The following DCDC1 variants were observed in gnomAD, a reference collection of about 807,000 sequenced individuals.
The protein encoded by DCDC1 is doublecortin domain-containing protein 1.
In DCDC1, 200 loss-of-function variants were observed where a neutral mutation model predicts 178.3. That is an observed-to-expected ratio of 1.12 (90% CI 1.00 to 1.26). DCDC1 has a LOEUF of 1.26. DCDC1 is among the 50% of genes most tolerant of loss of function. The pLI is 0.00. For missense variants in DCDC1, 1,983 were observed against 1,749.2 expected (o/e 1.13, Z -2.38); for synonymous variants, 690 against 604.8 (o/e 1.14, Z -2.07).
intron 20 of DCDC1, among the ~76,000 whole-genome samples, chr11:31,028,294 CT>C (rs1953382630): frequency 6.6e-6 from 1 of 151,730 alleles, no homozygotes; most frequent in Admixed American, 6.6e-5. Flanking sequence ...TATCCAAATA[CT>C]TTTTTTAGTG....
At chr11:31,340,714 C>T (rs1191736782) in intron 1 of DCDC1, among the ~76,000 whole-genome samples, 1 of 152,120 alleles carries the variant, frequency 6.6e-6, no homozygotes, top group Non-Finnish European at 1.5e-5. Flanking sequence ...AGGAATTCTT[C>T]CAGCAGGTTG....
intron 14 of DCDC1, among the ~76,000 whole-genome samples, chr11:31,103,166 C>T (rs1229961637): frequency 6.6e-6 from 1 of 152,154 alleles, no homozygotes; most frequent in Admixed American, 6.5e-5. Context: ...TGGACAATCA[C>T]GAGCAGAGAC....
At chr11:30,933,651 T>C (rs1329611563) in intron 21 of DCDC1, among the ~76,000 whole-genome samples, 2 of 152,246 alleles carry the variant, frequency 1.3e-5, no homozygotes, top group Admixed American at 1.3e-4. Context: ...GGTATGAACC[T>C]TCTGCTAGCC....
intron 9 of DCDC1, among the ~76,000 whole-genome samples, chr11:31,205,332 C>A (rs2136468502): frequency 6.6e-6 from 1 of 152,196 alleles, no homozygotes; most frequent in South Asian, 2.1e-4. Context: ...ACTATCCAAG[C>A]CTTTCCAGAA....
chr11:30,917,164 A>C, intron 25 of DCDC1, 136 bp from the exon 26 acceptor site: 1 of 749,680 alleles, frequency 1.3e-6, no homozygotes, highest in Non-Finnish European at 1.9e-6. Context: ...AGGGTGCCTA[A>C]TACTGGAAAT....
At chr11:31,307,431 C>A (rs939091796) in intron 4 of DCDC1, 8 of 562,510 alleles carry the variant, frequency 1.4e-5, no homozygotes, top group South Asian at 3.0e-5. Flanking sequence ...TCTGATTGCC[C>A]GGGTTGAAGT....
At chr11:31,224,863 A>G (rs1311481296) in intron 9 of DCDC1, among the ~76,000 whole-genome samples, 1 of 152,094 alleles carries the variant, frequency 6.6e-6, no homozygotes, top group Admixed American at 6.6e-5. Context: ...AAAATAATAG[A>G]TGTTAGCATG....
rs182981195 is a variant in DCDC1 at position 31,330,830 on chromosome 11, G to A, written c.-6-2544C>T. 3.0e-3 allele frequency among the ~76,000 whole-genome samples: 460 copies of A among 152,210 alleles called. 2 individuals are homozygous for A. The highest frequency in any genetic ancestry group is 0.01 in the African/African-American group (419 of 41,532). ...GTAGTATAGTTTGAAGTCAGGTAGC[G>A]TAATGTCTCCAGCTTTGTTCTTTTT... On this transcript the variant is annotated intron_variant, in intron 2 of 38. Transcript: ENST00000684477.
rs555160095 is a variant in DCDC1 at position 30,883,841 on chromosome 11, C to T, written c.5083-2533G>A. On this transcript the variant is annotated intron_variant, in intron 36 of 38. Coordinates refer to ENST00000684477, the MANE Select transcript of DCDC1 (RefSeq NM_001387274.1). ...TTAAGAAATGAATCAAATTTCTTGA[C>T]TAAGGGAAAGTCATAATATAAAATG... 1.3e-4 allele frequency among the ~76,000 whole-genome samples: 19 copies of T among 151,956 alleles called. No homozygotes were observed. In the South Asian group the frequency reaches 2.7e-3, roughly 22 times the overall value.
At chr11:31,126,668 A>G (rs937260229) in intron 11 of DCDC1, among the ~76,000 whole-genome samples, 7 of 152,206 alleles carry the variant, frequency 4.6e-5, no homozygotes, top group African/African-American at 1.4e-4. Context: ...TGTAGTAACC[A>G]TGATTTCTTA....
chr11:31,119,617 T>C (rs1320303894), intron 11 of DCDC1, among the ~76,000 whole-genome samples: 1 of 152,218 alleles, frequency 6.6e-6, no homozygotes, highest in Non-Finnish European at 1.5e-5. Flanking sequence ...AATTGTTCCA[T>C]AGATTCCTAA....
chr11:31,135,241 T>C (rs1171251461), intron 10 of DCDC1, among the ~76,000 whole-genome samples: 2 of 152,200 alleles, frequency 1.3e-5, no homozygotes, highest in Non-Finnish European at 1.5e-5. Flanking sequence ...AGGAAAAATA[T>C]TGAAGTAAAT....
intron 21 of DCDC1, among the ~76,000 whole-genome samples, chr11:30,933,386 T>C (rs1947065624): frequency 6.6e-6 from 1 of 152,156 alleles, no homozygotes; most frequent in Non-Finnish European, 1.5e-5. Flanking sequence ...TGTTAAATCA[T>C]ATAAAGCTCT....
intron 20 of DCDC1, among the ~76,000 whole-genome samples, chr11:31,046,278 C>T (rs1289748823): frequency 6.6e-6 from 1 of 152,068 alleles, no homozygotes; most frequent in African/African-American, 2.4e-5. Context: ...TGTTGTGTGT[C>T]TCAAGAGTTT....
chr11:31,102,349 C>G (rs1389987981), intron 14 of DCDC1, 67 bp from the exon 15 acceptor site: 1 of 584,486 alleles, frequency 1.7e-6, no homozygotes. Flanking sequence ...ATGCCCTTTA[C>G]TCTTTAATTA....
chr11:31,031,680 TAAAG>T (rs950986400), intron 20 of DCDC1, among the ~76,000 whole-genome samples: 34 of 152,194 alleles, frequency 2.2e-4, no homozygotes, highest in African/African-American at 7.2e-4. Context: ...TTTATTACTA[TAAAG>T]AAAGCCAGCA....
intron 34 of DCDC1, among the ~76,000 whole-genome samples, chr11:30,899,050 G>A (rs990296392): frequency 6.6e-6 from 1 of 151,888 alleles, no homozygotes; most frequent in African/African-American, 2.4e-5. Flanking sequence ...TGTATAAAAA[G>A]GAGTCATTTT....
rs1313657890 is a variant in DCDC1 at position 31,294,776 on chromosome 11, GAGAA to G, written c.755-3928_755-3925del. Reference sequence around the variant, plus strand: ...AGAAAGAAATAGAAAGAGAAAGAAAGAGAAAGAAAGAAAAATAAAGAAAAAGAAA... The same window carrying G: ...AGAAAGAAATAGAAAGAGAAAGAAAGAGAAAGAAAAATAAAGAAAAAGAAA... On this transcript the variant is annotated intron_variant, in intron 6 of 38. Coordinates refer to ENST00000684477, the MANE Select transcript of DCDC1 (RefSeq NM_001387274.1). Among the ~76,000 whole-genome samples, 60 of 146,098 alleles carry G rather than the reference GAGAA, an allele frequency of 4.1e-4. 1 individual carries two copies. Among genetic ancestry groups the G allele is most frequent in the African/African-American group, 7.8e-4 (31 of 39,500 alleles).
intron 8 of DCDC1, among the ~76,000 whole-genome samples, chr11:31,243,849 T>C (rs985741377): frequency 6.6e-6 from 1 of 151,760 alleles, no homozygotes; most frequent in African/African-American, 2.4e-5. Context: ...TCTGAACTTG[T>C]TGAATAATCT....
Sources: gnomAD v4.1 joint callset for allele counts (sites outside exome capture counted in the v4.1 genomes callset) on GRCh38, gnomAD v4.1.1 for gene constraint, MANE v1.5 for transcripts, NCBI Gene and HGNC (gene_info 2026-07-23, HGNC 2026-07-21) for gene names.